Variants in NTRK3 observed in about 807,000 individuals in gnomAD.
The protein encoded by NTRK3 is neurotrophic receptor tyrosine kinase 3.
Under a neutral mutation model 91.7 loss-of-function variants are expected in NTRK3, and 24 were observed. The observed-to-expected ratio is 0.26, with a 90% CI of 0.19 to 0.37. NTRK3 has a LOEUF of 0.37. Ranked by LOEUF, NTRK3 falls within the 10% of genes least tolerant of loss-of-function variation. The pLI, the probability that NTRK3 is intolerant of heterozygous loss-of-function variation, is 1.00. For missense variants in NTRK3, 880 were observed against 1,068.9 expected, an observed-to-expected ratio of 0.82 and a Z score of 2.46; for synonymous variants, 483 against 404.0, an observed-to-expected ratio of 1.20 and a Z score of -2.34.
chr15:87,905,823 C>T (rs746830069), intron 17 of NTRK3, among the ~76,000 whole-genome samples: 4 of 152,200 alleles, frequency 2.6e-5, no homozygotes, highest in Non-Finnish European at 4.4e-5. Flanking sequence ...GCCTCCACCT[C>T]AGCCGAGGAT....
At chr15:88,001,635 A>C (rs1243946679) in intron 14 of NTRK3, among the ~76,000 whole-genome samples, 3 of 152,152 alleles carry the variant, frequency 2.0e-5, no homozygotes, top group Non-Finnish European at 4.4e-5. Flanking sequence ...ATTGTTGAAA[A>C]ATCAGTTGAC....
At chr15:87,976,983 G>T (rs2073779262) in intron 14 of NTRK3, among the ~76,000 whole-genome samples, 2 of 151,834 alleles carry the variant, frequency 1.3e-5, no homozygotes, top group Non-Finnish European at 2.9e-5. Context: ...AGCCTTGGCT[G>T]CTCAGACAAC....
chr15:87,981,141 T>G, intron 14 of NTRK3: 1 of 1,547,852 alleles, frequency 6.5e-7, no homozygotes, highest in Non-Finnish European at 8.7e-7. Context: ...TATGGAGGCT[T>G]GATGAGTCTT....
exon 19 of NTRK3, chr15:87,870,396 G>A (rs1426145396): frequency 5.0e-6 from 1 of 201,280 alleles, no homozygotes; most frequent in African/African-American, 2.3e-5. Context: ...GGATGTCAAG[G>A]TATAAGAATG....
At chr15:88,194,425 C>T (rs1398100670) in intron 3 of NTRK3, among the ~76,000 whole-genome samples, 1 of 152,240 alleles carries the variant, frequency 6.6e-6, no homozygotes, top group Non-Finnish European at 1.5e-5. Flanking sequence ...CCAATACCAG[C>T]CCCTGCTTTC....
chr15:88,067,569 T>C (rs2046761585), intron 13 of NTRK3, among the ~76,000 whole-genome samples: 1 of 152,168 alleles, frequency 6.6e-6, no homozygotes, highest in Non-Finnish European at 1.5e-5. Flanking sequence ...AGAGCAGCAG[T>C]GCTTGTTCAG....
exon 19 of NTRK3, chr15:87,859,957 T>C (rs1009737813): frequency 1.6e-5 from 3 of 190,260 alleles, no homozygotes; most frequent in African/African-American, 4.7e-5. Flanking sequence ...TATATACATA[T>C]ATACATGTAC....
intron 17 of NTRK3, among the ~76,000 whole-genome samples, chr15:87,914,610 T>G (rs1323658786): frequency 1.3e-5 from 2 of 152,214 alleles, no homozygotes; most frequent in Non-Finnish European, 2.9e-5. Flanking sequence ...GTGGGTGAGC[T>G]CCTTTGCCTT....
chr15:88,120,542 C>A (rs2052591019), intron 13 of NTRK3, among the ~76,000 whole-genome samples: 1 of 152,170 alleles, frequency 6.6e-6, no homozygotes, highest in Non-Finnish European at 1.5e-5. Context: ...CCCGGCCTTC[C>A]CACTTCCGCT....
intron 13 of NTRK3, among the ~76,000 whole-genome samples, chr15:88,060,476 G>A (rs561335970): frequency 6.6e-6 from 1 of 152,168 alleles, no homozygotes; most frequent in East Asian, 1.9e-4. Flanking sequence ...AGTCCCCAGG[G>A]AAACAGGAGG....
intron 3 of NTRK3, among the ~76,000 whole-genome samples, chr15:88,230,655 C>T (rs1184295478): frequency 6.6e-6 from 1 of 152,110 alleles, no homozygotes; most frequent in Non-Finnish European, 1.5e-5. Flanking sequence ...TTGCAGTATA[C>T]CTGTTCTGGG....
chr15:87,935,598 C>G (rs1483514022), intron 15 of NTRK3, among the ~76,000 whole-genome samples: 2 of 151,940 alleles, frequency 1.3e-5, no homozygotes, highest in African/African-American at 2.4e-5. Context: ...AAAAACTGAA[C>G]CCAGCATGGG....
intron 14 of NTRK3, among the ~76,000 whole-genome samples, chr15:87,968,008 G>T (rs892491363): frequency 3.3e-5 from 5 of 152,142 alleles, no homozygotes; most frequent in African/African-American, 1.2e-4. Context: ...TGGTCCAAAG[G>T]TCCCTGGTGG....
At chr15:87,942,519 A>T (rs1340809230) in intron 14 of NTRK3, among the ~76,000 whole-genome samples, 2 of 152,114 alleles carry the variant, frequency 1.3e-5, no homozygotes, top group African/African-American at 4.8e-5. Context: ...GTGACTAGGG[A>T]TGACACATAG....
chr15:88,081,744 C>G (rs1282876076), intron 13 of NTRK3, among the ~76,000 whole-genome samples: 1 of 152,314 alleles, frequency 6.6e-6, no homozygotes, highest in Admixed American at 6.5e-5. Context: ...TGAGACAGGG[C>G]TGGTTCCCAT....
intron 14 of NTRK3, among the ~76,000 whole-genome samples, chr15:88,023,920 A>G (rs1240800039): frequency 6.6e-6 from 1 of 152,206 alleles, no homozygotes; most frequent in Non-Finnish European, 1.5e-5. Flanking sequence ...TAGACAAAGG[A>G]GCCCATTTTC....
chr15:88,122,184 A>G (rs2052786158), intron 13 of NTRK3, among the ~76,000 whole-genome samples: 1 of 152,262 alleles, frequency 6.6e-6, no homozygotes. Flanking sequence ...ACTGATATAT[A>G]TGCATGTCTG....
intron 14 of NTRK3, among the ~76,000 whole-genome samples, chr15:88,013,960 G>T (rs999131546): frequency 9.9e-5 from 15 of 152,148 alleles, no homozygotes; most frequent in African/African-American, 3.4e-4. Flanking sequence ...TTTAAAAAAA[G>T]ACTTAAGATA....
intron 13 of NTRK3, among the ~76,000 whole-genome samples, chr15:88,040,692 C>T (rs1013872907): frequency 6.6e-6 from 1 of 152,308 alleles, no homozygotes; most frequent in Admixed American, 6.5e-5. Context: ...AGGGCATTTG[C>T]CCAGCCAACG....
Sources: gnomAD v4.1 joint callset for allele counts (sites outside exome capture counted in the v4.1 genomes callset) on GRCh38, gnomAD v4.1.1 for gene constraint, MANE v1.5 for transcripts, NCBI Gene and HGNC (gene_info 2026-07-23, HGNC 2026-07-21) for gene names.